The following ELMO1 variants were observed in gnomAD, a reference collection of about 807,000 sequenced individuals.
ELMO1 encodes the protein engulfment and cell motility 1, also known as engulfment and cell motility protein 1.
ELMO1 carries 26 observed loss-of-function variants against 98.9 expected under a neutral mutation model. The observed-to-expected ratio is 0.26, with a 90% CI of 0.19 to 0.36. The LOEUF is 0.36. ELMO1 is among the 10% of genes least tolerant of loss of function. The probability of loss-of-function intolerance (pLI) is 1.00; values close to 1 mark genes in which losing one functional copy is unlikely to be tolerated. For missense variants in ELMO1, 627 were observed against 935.2 expected (o/e 0.67, Z 4.30); for synonymous variants, 346 against 346.0 (o/e 1.00, Z 0.00).
At chr7:37,088,136 C>T (rs76189562) in intron 15 of ELMO1, among the ~76,000 whole-genome samples, 4,667 of 152,180 alleles carry the variant, frequency 0.031, 139 homozygotes, top group African/African-American at 0.08. Context: ...CTGATTGGGG[C>T]CAGCTATATC....
At chr7:36,939,275 T>G (rs1786814499) in intron 16 of ELMO1, among the ~76,000 whole-genome samples, 1 of 151,700 alleles carries the variant, frequency 6.6e-6, no homozygotes, top group Non-Finnish European at 1.5e-5. Flanking sequence ...CTAGTCAGGC[T>G]GGGGGCTCAA....
Position 37,182,158 on chromosome 7 carries a change from C to G in ELMO1, c.1086+29228G>C, listed in dbSNP as rs563980308. ...GCCCCGAGGCTCCTAAGTCCAAAGGCATGGGAAGGTGCTGCCCCCTGGTGA... is the reference window on the plus strand; with the variant it reads ...GCCCCGAGGCTCCTAAGTCCAAAGGGATGGGAAGGTGCTGCCCCCTGGTGA... On this transcript the variant is annotated intron_variant, in intron 13 of 21. Transcript: ENST00000310758. Among the ~76,000 whole-genome samples, 82 of 152,318 alleles carry G rather than the reference C, an allele frequency of 5.4e-4. 1 individual carries two copies. The highest frequency in any genetic ancestry group is 1.9e-3 in the African/African-American group (79 of 41,562).
chr7:37,251,395 A>T (rs1167625614), intron 6 of ELMO1, among the ~76,000 whole-genome samples: 1 of 152,166 alleles, frequency 6.6e-6, no homozygotes, highest in Non-Finnish European at 1.5e-5. Flanking sequence ...CAGGTTTTAA[A>T]CACTGTGCTC....
chr7:36,900,855 A>G (rs907840024), intron 16 of ELMO1, among the ~76,000 whole-genome samples: 2 of 152,190 alleles, frequency 1.3e-5, no homozygotes, highest in African/African-American at 2.4e-5. Flanking sequence ...TTTTCTTCCC[A>G]GGAATGTTCC....
rs201450575 is a variant in ELMO1 at position 37,293,156 on chromosome 7, T to G, written c.193-21274A>C. 1.1e-4 allele frequency among the ~76,000 whole-genome samples: 4 copies of G among 35,796 alleles called. 2 individuals are homozygous for G. 23.5% of individuals were successfully genotyped at this position (35,796 alleles called of 152,430 possible). ...CTGGGAGGTGAGGGGCGCCTCTGCC[T>G]GGCCGCGCCTACTGGGAAGTGAGGA... On this transcript the variant is annotated intron_variant, in intron 4 of 21. Transcript: ENST00000310758.
At chr7:36,944,954 T>C (rs906841832) in intron 16 of ELMO1, among the ~76,000 whole-genome samples, 1 of 152,228 alleles carries the variant, frequency 6.6e-6, no homozygotes, top group Non-Finnish European at 1.5e-5. Context: ...TAAAGGGTCC[T>C]GAATTCACTC....
At chr7:37,231,424 A>G (rs940972476) in intron 8 of ELMO1, among the ~76,000 whole-genome samples, 2 of 152,196 alleles carry the variant, frequency 1.3e-5, no homozygotes, top group African/African-American at 4.8e-5. Context: ...GTCAGAGGAC[A>G]GTGACATCAT....
At position 37,305,192 on chromosome 7, in the gene ELMO1, T is replaced by C. The variant is rs141654834; in HGVS notation, c.192+9658A>G. Among the ~76,000 whole-genome samples, 62 of 152,344 alleles carry C rather than the reference T, an allele frequency of 4.1e-4. No homozygotes were observed. In the East Asian group the frequency reaches 0.012, roughly 29 times the overall value. ...GATCTTAGCCTAGGGTGAAATAAAG[T>C]AAAACTCACTTTCTCAAAATTGAGC... On this transcript the variant is annotated intron_variant, in intron 4 of 21. Coordinates refer to ENST00000310758, the MANE Select transcript of ELMO1 (RefSeq NM_014800.11).
intron 15 of ELMO1, 189 bp from the exon 16 acceptor site, chr7:37,013,624 G>A (rs1363114366): frequency 8.0e-6 from 5 of 623,084 alleles, no homozygotes; most frequent in Non-Finnish European, 1.4e-5. Context: ...TTTAAGGCCA[G>A]ATAGTCAGAC....
chr7:36,901,862 G>A (rs980499753), intron 16 of ELMO1, among the ~76,000 whole-genome samples: 1 of 152,170 alleles, frequency 6.6e-6, no homozygotes, highest in African/African-American at 2.4e-5. Context: ...ATGACTCTGG[G>A]TGTTTTATAA....
At chr7:37,121,068 A>T (rs958280604) in intron 14 of ELMO1, among the ~76,000 whole-genome samples, 3 of 152,226 alleles carry the variant, frequency 2.0e-5, no homozygotes, top group Non-Finnish European at 4.4e-5. Flanking sequence ...GAAGGTCCTG[A>T]CTGTTAGAAG....
chr7:36,910,903 T>A (rs78962551), intron 16 of ELMO1, among the ~76,000 whole-genome samples: 2,959 of 152,306 alleles, frequency 0.019, 38 homozygotes, highest in Non-Finnish European at 0.031. Flanking sequence ...TTCACCTCTC[T>A]GTATTTTTCC....
intron 15 of ELMO1, among the ~76,000 whole-genome samples, chr7:37,043,772 A>ACAGT (rs1247074239): frequency 6.6e-6 from 1 of 152,056 alleles, no homozygotes; most frequent in Non-Finnish European, 1.5e-5. Context: ...TGGCAGCAAG[A>ACAGT]CAGTCACACA....
intron 16 of ELMO1, among the ~76,000 whole-genome samples, chr7:36,993,091 G>T (rs1791979516): frequency 6.6e-6 from 1 of 152,110 alleles, no homozygotes; most frequent in Non-Finnish European, 1.5e-5. Flanking sequence ...AAGCAAGGAA[G>T]AAGAAGAAGA....
At chr7:37,166,015 C>G (rs1038997602) in intron 13 of ELMO1, among the ~76,000 whole-genome samples, 1 of 152,016 alleles carries the variant, frequency 6.6e-6, no homozygotes, top group Admixed American at 6.6e-5. Context: ...ACAATTTCAG[C>G]TCCTGTTATT....
At chr7:36,970,543 G>A (rs778886562) in intron 16 of ELMO1, among the ~76,000 whole-genome samples, 3 of 152,172 alleles carry the variant, frequency 2.0e-5, no homozygotes, top group South Asian at 2.1e-4. Context: ...TGTTTTCTAA[G>A]ATCCCTGAGA....
At chr7:37,030,176 T>A (rs895608974) in intron 15 of ELMO1, among the ~76,000 whole-genome samples, 2 of 152,168 alleles carry the variant, frequency 1.3e-5, no homozygotes, top group African/African-American at 4.8e-5. Flanking sequence ...AATGAAAACC[T>A]AAGGATGAGA....
At chr7:36,960,774 C>A (rs747455544) in intron 16 of ELMO1, among the ~76,000 whole-genome samples, 10 of 152,130 alleles carry the variant, frequency 6.6e-5, no homozygotes, top group Non-Finnish European at 1.3e-4. Context: ...TTGGAGATCC[C>A]TTGAATTAGA....
chr7:37,301,252 C>A (rs1198586379), intron 4 of ELMO1, among the ~76,000 whole-genome samples: 1 of 148,732 alleles, frequency 6.7e-6, no homozygotes, highest in African/African-American at 2.5e-5. Flanking sequence ...GAAGGAAAAA[C>A]AATCAGAAGG....
Sources: allele counts gnomAD v4.1 joint callset (sites outside exome capture counted in the v4.1 genomes callset), GRCh38; gene constraint gnomAD v4.1.1; transcripts MANE v1.5; gene names NCBI Gene and HGNC (gene_info 2026-07-23, HGNC 2026-07-21).